SPOCK3: variants seen among roughly 807,000 people sequenced by gnomAD.
The protein encoded by SPOCK3 is SPARC (osteonectin), cwcv and kazal like domains proteoglycan 3.
SPOCK3 carries 30 observed loss-of-function variants against 56.6 expected under a neutral mutation model. The ratio of observed to expected loss-of-function variants is 0.53; its 90% CI spans 0.40 to 0.72. SPOCK3 has a LOEUF of 0.72. Among genes scored for constraint, SPOCK3 ranks in the 30% least tolerant of loss-of-function variants. The pLI is 0.00. For synonymous variants in SPOCK3, 196 were observed against 183.3 expected, an observed-to-expected ratio of 1.07 and a Z score of -0.56; for missense variants, 527 against 530.0, an observed-to-expected ratio of 0.99 and a Z score of 0.06.
intron 6 of SPOCK3, among the ~76,000 whole-genome samples, chr4:166,871,894 G>A (rs1732520135): frequency 6.6e-6 from 1 of 151,140 alleles, no homozygotes; most frequent in African/African-American, 2.4e-5. Flanking sequence ...TCAATGCAAT[G>A]TAACATATTA....
intron 6 of SPOCK3, among the ~76,000 whole-genome samples, chr4:166,814,757 C>T (rs904184490): frequency 6.6e-6 from 1 of 152,032 alleles, no homozygotes; most frequent in African/African-American, 2.4e-5. Flanking sequence ...TTGCAGGTGG[C>T]CTATGCTGGG....
chr4:167,124,828 C>T (rs1224661732), intron 2 of SPOCK3, among the ~76,000 whole-genome samples: 2 of 152,168 alleles, frequency 1.3e-5, no homozygotes, highest in South Asian at 4.1e-4. Context: ...ACACTGACCT[C>T]ATCTTTTAAA....
At chr4:166,830,848 A>G (rs1403569211) in intron 6 of SPOCK3, among the ~76,000 whole-genome samples, 4 of 152,222 alleles carry the variant, frequency 2.6e-5, no homozygotes, top group African/African-American at 4.8e-5. Flanking sequence ...ACATCTAAAA[A>G]AAGCTAGAGA....
chr4:167,103,213 C>T (rs1177916229), intron 2 of SPOCK3, among the ~76,000 whole-genome samples: 1 of 152,088 alleles, frequency 6.6e-6, no homozygotes, highest in Non-Finnish European at 1.5e-5. Flanking sequence ...AGGTACTACA[C>T]CATGGACCTT....
At chr4:166,876,772 C>T (rs1733130672) in intron 6 of SPOCK3, among the ~76,000 whole-genome samples, 1 of 151,990 alleles carries the variant, frequency 6.6e-6, no homozygotes, top group African/African-American at 2.4e-5. Flanking sequence ...GTGTAAAAAA[C>T]ATAAAATATA....
chr4:166,828,684 T>C (rs887940507), intron 6 of SPOCK3, among the ~76,000 whole-genome samples: 3 of 152,058 alleles, frequency 2.0e-5, no homozygotes, highest in African/African-American at 7.2e-5. Flanking sequence ...AAATGCAGAA[T>C]AAGCAGTTAC....
chr4:166,925,303 A>G (rs1282120465), intron 4 of SPOCK3, among the ~76,000 whole-genome samples: 1 of 152,174 alleles, frequency 6.6e-6, no homozygotes, highest in Admixed American at 6.5e-5. Context: ...TCCTACATAA[A>G]AAGACTGTCA....
intron 2 of SPOCK3, among the ~76,000 whole-genome samples, chr4:167,217,559 G>A (rs1007438965): frequency 6.6e-6 from 1 of 151,966 alleles, no homozygotes; most frequent in African/African-American, 2.4e-5. Context: ...CTCTCCTGGT[G>A]GGGGTGTCCT....
intron 2 of SPOCK3, among the ~76,000 whole-genome samples, chr4:167,219,154 C>G (rs1735651078): frequency 6.6e-6 from 1 of 152,182 alleles, no homozygotes; most frequent in African/African-American, 2.4e-5. Context: ...CTGACTGCCT[C>G]AGGGACATCC....
intron 3 of SPOCK3, among the ~76,000 whole-genome samples, chr4:167,053,050 C>A (rs900183452): frequency 6.6e-6 from 1 of 152,040 alleles, no homozygotes; most frequent in Non-Finnish European, 1.5e-5. Context: ...ATACTGATTG[C>A]AAAAGGACAT....
At chr4:166,803,403 G>A (rs1029026969) in intron 6 of SPOCK3, among the ~76,000 whole-genome samples, 1 of 152,188 alleles carries the variant, frequency 6.6e-6, no homozygotes, top group South Asian at 2.1e-4. Context: ...CTCCGAGCAG[G>A]CATTTGGGCA....
intron 3 of SPOCK3, among the ~76,000 whole-genome samples, chr4:167,017,430 C>A (rs966193802): frequency 1.3e-5 from 2 of 152,082 alleles, no homozygotes; most frequent in African/African-American, 4.8e-5. Flanking sequence ...TGGCATGAGA[C>A]CCATTCTCCA....
intron 2 of SPOCK3, among the ~76,000 whole-genome samples, chr4:167,070,461 T>C (rs1364845642): frequency 1.3e-5 from 2 of 151,970 alleles, no homozygotes; most frequent in Non-Finnish European, 2.9e-5. Flanking sequence ...TGTAACTCTA[T>C]GCTAAGGAGT....
intron 2 of SPOCK3, among the ~76,000 whole-genome samples, chr4:167,137,181 A>G (rs922988091): frequency 2.6e-5 from 4 of 152,166 alleles, no homozygotes; most frequent in African/African-American, 7.2e-5. Flanking sequence ...CTGAGCAGAG[A>G]GAAAAATTGC....
At chr4:166,770,522 C>T (rs925580352) in intron 7 of SPOCK3, among the ~76,000 whole-genome samples, 4 of 151,996 alleles carry the variant, frequency 2.6e-5, no homozygotes, top group Non-Finnish European at 2.9e-5. Flanking sequence ...CATTATTTGC[C>T]TCCCATCTAA....
intron 2 of SPOCK3, among the ~76,000 whole-genome samples, chr4:167,177,393 C>A (rs1420080199): frequency 6.6e-6 from 1 of 152,022 alleles, no homozygotes. Flanking sequence ...ATTATCATCA[C>A]CACTGACATG....
chr4:166,959,282 A>T (rs1743868547), intron 4 of SPOCK3, among the ~76,000 whole-genome samples: 1 of 152,140 alleles, frequency 6.6e-6, no homozygotes, highest in Admixed American at 6.6e-5. Flanking sequence ...CTTATGAGAA[A>T]AATGAGAAAA....
At chr4:167,127,930 A>G (rs1762416535) in intron 2 of SPOCK3, among the ~76,000 whole-genome samples, 1 of 152,214 alleles carries the variant, frequency 6.6e-6, no homozygotes, top group South Asian at 2.1e-4. Context: ...AGTCAGAGGA[A>G]GACCTTTGAA....
chr4:166,784,882 T>A (rs904504433), intron 7 of SPOCK3, among the ~76,000 whole-genome samples: 1 of 152,132 alleles, frequency 6.6e-6, no homozygotes, highest in African/African-American at 2.4e-5. Flanking sequence ...ATTTTGCATA[T>A]GATGCTAATG....
Sources: gnomAD v4.1 joint callset for allele counts (sites outside exome capture counted in the v4.1 genomes callset) on GRCh38, gnomAD v4.1.1 for gene constraint, MANE v1.5 for transcripts, NCBI Gene and HGNC (gene_info 2026-07-23, HGNC 2026-07-21) for gene names.